CCDC30: variants seen among roughly 807,000 people sequenced by gnomAD.
CCDC30 encodes coiled-coil domain containing 30.
CCDC30 carries 70 observed loss-of-function variants against 100.2 expected under a neutral mutation model. The ratio of observed to expected loss-of-function variants is 0.70; its 90% confidence interval spans 0.58 to 0.85. The LOEUF is 0.85. CCDC30 is among the 40% of genes least tolerant of loss of function. The probability of loss-of-function intolerance (pLI) is 0.00; values close to 1 mark genes in which losing one functional copy is unlikely to be tolerated. For synonymous variants in CCDC30, 233 were observed against 269.5 expected (o/e 0.86, Z 1.33); for missense variants, 652 against 771.2 (o/e 0.85, Z 1.83).
At chr1:42,530,796 G>C (rs1309354940) in intron 6 of CCDC30, among the ~76,000 whole-genome samples, 2 of 152,156 alleles carry the variant, frequency 1.3e-5, no homozygotes, top group African/African-American at 4.8e-5. Flanking sequence ...TGAGGGACTT[G>C]AGCATCCATG....
At chr1:42,568,775 CAA>C (rs113277866) in intron 7 of CCDC30, among the ~76,000 whole-genome samples, 44 of 116,930 alleles carry the variant, frequency 3.8e-4, no homozygotes, top group Admixed American at 3.6e-4. Context: ...ACTAAAAGTC[CAA>C]AAAAAAAAAA....
rs138824266 is a variant in CCDC30 at position 42,604,084 on chromosome 1, C to T, written c.1165-6894C>T. 2.5e-3 allele frequency among the ~76,000 whole-genome samples: 373 copies of T among 152,086 alleles called. 2 individuals are homozygous for T. Among genetic ancestry groups the T allele is most frequent in the African/African-American group, 8.7e-3 (361 of 41,498 alleles). Reference sequence around the variant, plus strand: ...TTTTTTTTTAATTAGCTGGGTGGTACATGCCTGTAGTCCTAGCTACTTGGG... The same window carrying T: ...TTTTTTTTTAATTAGCTGGGTGGTATATGCCTGTAGTCCTAGCTACTTGGG... On this transcript the variant is annotated intron_variant, in intron 10 of 16. Coordinates refer to ENST00000668663, the Ensembl canonical transcript of CCDC30.
At chr1:42,620,339 GT>G (rs1646806765) in intron 11 of CCDC30, among the ~76,000 whole-genome samples, 1 of 152,054 alleles carries the variant, frequency 6.6e-6, no homozygotes, top group Admixed American at 6.6e-5. Flanking sequence ...CCTGTGGCAC[GT>G]TTTGACCTGT....
intron 6 of CCDC30, among the ~76,000 whole-genome samples, chr1:42,502,758 C>T (rs1315162472): frequency 6.6e-6 from 1 of 152,160 alleles, no homozygotes; most frequent in African/African-American, 2.4e-5. Context: ...ATTTGGCTAT[C>T]TTGTACATTT....
intron 6 of CCDC30, among the ~76,000 whole-genome samples, chr1:42,519,289 G>A (rs1024191917): frequency 6.6e-6 from 1 of 152,038 alleles, no homozygotes; most frequent in African/African-American, 2.4e-5. Context: ...GAGTAATTAT[G>A]TCCTCTTCAA....
Position 42,633,350 on chromosome 1 carries a change from T to G in CCDC30, c.1278-3887T>G, listed in dbSNP as rs565070130. The stretch of plus-strand genomic sequence containing the variant: ...TTTTTCTTTTCTCAGTATGATTGAT[T>G]AAATCCTTGGCCATTGGTGGTTCAA... On this transcript the variant is annotated intron_variant, in intron 11 of 16. Transcript: ENST00000668663. 1.8e-3 allele frequency among the ~76,000 whole-genome samples: 279 copies of G among 152,264 alleles called. 3 individuals carry two copies. Among genetic ancestry groups the G allele is most frequent in the Non-Finnish European group, 3.1e-3 (214 of 68,026 alleles).
chr1:42,581,773 T>C (rs1167683892), intron 9 of CCDC30, among the ~76,000 whole-genome samples: 1 of 152,182 alleles, frequency 6.6e-6, no homozygotes, highest in Non-Finnish European at 1.5e-5. Flanking sequence ...GCACACCTAG[T>C]GGTAACAGTA....
chr1:42,581,333 T>C (rs1333159898), intron 8 of CCDC30, 27 bp from the exon 13 acceptor site: 16 of 1,576,714 alleles, frequency 1.0e-5, no homozygotes, highest in Non-Finnish European at 1.4e-5. Flanking sequence ...TCTTAATGCT[T>C]TACTTGTAAA....
At chr1:42,459,600 C>G (rs377394886), upstream of CCDC30, 28 of 1,610,598 alleles carry the variant, frequency 1.7e-5, no homozygotes, top group Non-Finnish European at 2.0e-5. Context: ...TTTTCCAATA[C>G]AGATAACAAT....
chr1:42,547,993 A>G (rs537433814), intron 6 of CCDC30, among the ~76,000 whole-genome samples: 47 of 152,334 alleles, frequency 3.1e-4, no homozygotes, highest in Non-Finnish European at 5.9e-4. Flanking sequence ...AGTCTGAGTA[A>G]TCAGGGGCCA....
chr1:42,469,788 T>A (rs1643707330), intron 1 of CCDC30, among the ~76,000 whole-genome samples: 1 of 152,130 alleles, frequency 6.6e-6, no homozygotes, highest in African/African-American at 2.4e-5. Context: ...TTTGTTTTAC[T>A]AGTTCTCTGG....
intron 6 of CCDC30, among the ~76,000 whole-genome samples, chr1:42,546,394 AAAAAAATATATATATAT>A (rs1260143084): frequency 1.4e-4 from 3 of 21,916 alleles, no homozygotes; most frequent in African/African-American, 4.5e-4. Flanking sequence ...TCAAAAAAAA[AAAAAAATATATATATAT>A]ATATATATAT....
At chr1:42,562,899 A>G (rs562541972) in intron 6 of CCDC30, among the ~76,000 whole-genome samples, 5 of 152,350 alleles carry the variant, frequency 3.3e-5, no homozygotes, top group East Asian at 1.9e-4. Context: ...CAAAACCACA[A>G]TGAGATACCA....
chr1:42,463,610 T>G (rs1238649129), exon 1 of CCDC30: 1 of 152,202 alleles, frequency 6.6e-6, no homozygotes, highest in Non-Finnish European at 1.5e-5. Flanking sequence ...GCATTTAGTA[T>G]TAGGCTGCCG....
chr1:42,604,278 T>C (rs114437980), intron 10 of CCDC30, among the ~76,000 whole-genome samples: 163 of 152,232 alleles, frequency 1.1e-3, no homozygotes, highest in African/African-American at 3.9e-3. Flanking sequence ...CATTTGAGAG[T>C]GAGATTCTGT....
At chr1:42,639,571 T>A (rs1647248228) in intron 12 of CCDC30, among the ~76,000 whole-genome samples, 1 of 152,200 alleles carries the variant, frequency 6.6e-6, no homozygotes, top group Admixed American at 6.5e-5. Flanking sequence ...TTTTGCTCAC[T>A]GCCATTGAAG....
chr1:42,533,421 C>T (rs1178200033), intron 6 of CCDC30, among the ~76,000 whole-genome samples: 1 of 152,162 alleles, frequency 6.6e-6, no homozygotes, highest in African/African-American at 2.4e-5. Context: ...TCATATTTTA[C>T]ACAGCCCTCC....
At chr1:42,491,506 T>TAA (rs34146821) in intron 4 of CCDC30, among the ~76,000 whole-genome samples, 39 of 144,310 alleles carry the variant, frequency 2.7e-4, no homozygotes, top group East Asian at 1.2e-3. Flanking sequence ...GGTTAATGGG[T>TAA]AAAAAAAAAA....
chr1:42,647,849 T>C (rs1267916296), intron 15 of CCDC30, among the ~76,000 whole-genome samples: 5 of 152,216 alleles, frequency 3.3e-5, no homozygotes, highest in Non-Finnish European at 7.3e-5. Flanking sequence ...GAAATTAAGA[T>C]GGAAATTTTA....
Sources: gnomAD v4.1 joint callset for allele counts (sites outside exome capture counted in the v4.1 genomes callset) on GRCh38, gnomAD v4.1.1 for gene constraint, MANE v1.5 for transcripts, NCBI Gene and HGNC (gene_info 2026-07-23, HGNC 2026-07-21) for gene names.